Variants in RIT2 observed in about 807,000 individuals in gnomAD.
The protein encoded by RIT2 is GTP-binding protein Rit2.
RIT2 carries 24 observed loss-of-function variants against 23.7 expected under a neutral mutation model. That is an observed-to-expected ratio of 1.01 (90% CI 0.73 to 1.43). RIT2 has a LOEUF of 1.43. RIT2 is among the 40% of genes most tolerant of loss of function. The pLI is 0.00. For missense variants in RIT2, 236 were observed against 266.9 expected, an observed-to-expected ratio of 0.88 and a Z score of 0.81; for synonymous variants, 107 against 91.1, an observed-to-expected ratio of 1.17 and a Z score of -0.99.
chr18:43,095,921 C>T (rs1424572749), intron 1 of RIT2, among the ~76,000 whole-genome samples: 10 of 151,840 alleles, frequency 6.6e-5, no homozygotes, highest in African/African-American at 2.4e-4. Context: ...TCACTCAGCT[C>T]GCTACTGAAA....
chr18:42,743,916 G>A (rs952104406), intron 4 of RIT2, among the ~76,000 whole-genome samples, 196 bp from the exon 5 acceptor site: 12 of 152,034 alleles, frequency 7.9e-5, no homozygotes, highest in South Asian at 2.1e-4. Context: ...GCCCTGCCCC[G>A]CCTTAACTGA....
intron 1 of RIT2, among the ~76,000 whole-genome samples, chr18:43,075,959 C>T (rs1459838372): frequency 1.3e-5 from 2 of 152,094 alleles, no homozygotes; most frequent in African/African-American, 2.4e-5. Flanking sequence ...TCCTGCAATA[C>T]TAAGTATCAT....
At position 42,747,243 on chromosome 18, in the gene RIT2, A is replaced by G. The variant is rs946922008; in HGVS notation, c.427-3523T>C. Among the ~76,000 whole-genome samples, 8 of 152,054 alleles carry G rather than the reference A, an allele frequency of 5.3e-5. No individual in the cohort carries two copies. The South Asian group carries it at 8.3e-4, about 16-fold the overall frequency. On this transcript the variant is annotated intron_variant, in intron 4 of 4. Transcript: ENST00000326695. Reference sequence around the variant, plus strand: ...ATACACGAATCAGTAGCTCTGCTATATACCAACAGCGACCAAGCTGATAAT... The same window carrying G: ...ATACACGAATCAGTAGCTCTGCTATGTACCAACAGCGACCAAGCTGATAAT...
chr18:42,815,609 T>C (rs779017024), intron 4 of RIT2, among the ~76,000 whole-genome samples: 6 of 152,144 alleles, frequency 3.9e-5, no homozygotes, highest in Admixed American at 2.6e-4. Context: ...ATTGAGACAA[T>C]TGACATGTTC....
intron 2 of RIT2, among the ~76,000 whole-genome samples, chr18:43,025,418 T>A (rs908694829): frequency 6.6e-6 from 1 of 151,988 alleles, no homozygotes; most frequent in African/African-American, 2.4e-5. Context: ...GGTTTAGCAA[T>A]CCTGCTACTG....
chr18:42,795,520 T>C (rs1320625561), intron 4 of RIT2, among the ~76,000 whole-genome samples: 2 of 152,138 alleles, frequency 1.3e-5, no homozygotes, highest in African/African-American at 4.8e-5. Context: ...TCCCACCCCC[T>C]CCATGGGCTC....
intron 2 of RIT2, among the ~76,000 whole-genome samples, chr18:42,978,388 T>C (rs1202481380): frequency 1.3e-5 from 2 of 151,898 alleles, no homozygotes; most frequent in African/African-American, 2.4e-5. Flanking sequence ...CTGGCCTCCA[T>C]AGAAACTAAT....
intron 1 of RIT2, among the ~76,000 whole-genome samples, chr18:43,078,267 C>T (rs1270621384): frequency 6.6e-6 from 1 of 152,130 alleles, no homozygotes; most frequent in Non-Finnish European, 1.5e-5. Flanking sequence ...CTCTACAAAC[C>T]TAAACTCTCC....
intron 2 of RIT2, among the ~76,000 whole-genome samples, chr18:43,025,164 T>C (rs770665284): frequency 6.6e-6 from 1 of 151,050 alleles, no homozygotes. Context: ...GCCAAAATCA[T>C]GTCACTGCAC....
intron 3 of RIT2, among the ~76,000 whole-genome samples, chr18:42,950,927 G>C (rs2144172491): frequency 6.6e-6 from 1 of 151,990 alleles, no homozygotes; most frequent in South Asian, 2.1e-4. Flanking sequence ...ACAGATGCTG[G>C]TGAGACTGCA....
chr18:42,942,045 C>A (rs1373582946), intron 3 of RIT2, among the ~76,000 whole-genome samples: 1 of 151,676 alleles, frequency 6.6e-6, no homozygotes, highest in Non-Finnish European at 1.5e-5. Flanking sequence ...ATCAAGGTAT[C>A]ATTTATGTAT....
intron 1 of RIT2, 136 bp downstream of exon 1, chr18:43,115,281 T>C: frequency 9.2e-7 from 1 of 1,083,864 alleles, no homozygotes; most frequent in Non-Finnish European, 1.3e-6. Context: ...CTTTGGAGCA[T>C]CCTGCCAGAC....
At chr18:42,991,813 C>T (rs866988423) in intron 2 of RIT2, among the ~76,000 whole-genome samples, 3 of 152,006 alleles carry the variant, frequency 2.0e-5, no homozygotes, top group Admixed American at 1.3e-4. Flanking sequence ...TTTTCCTCTA[C>T]CTACCCAAAT....
intron 2 of RIT2, among the ~76,000 whole-genome samples, chr18:43,022,825 G>A (rs903957693): frequency 2.0e-4 from 31 of 152,008 alleles, no homozygotes; most frequent in African/African-American, 7.2e-4. Flanking sequence ...ACCAGAAGGA[G>A]TGAGAATTCT....
At chr18:43,045,819 C>A (rs927076025) in intron 1 of RIT2, among the ~76,000 whole-genome samples, 1 of 151,860 alleles carries the variant, frequency 6.6e-6, no homozygotes, top group African/African-American at 2.4e-5. Context: ...CATTAGCTTC[C>A]CTCAGCTTCC....
Position 43,049,972 on chromosome 18 carries a change from C to CTTTTTTTTTTT in RIT2, c.104-16116_104-16106dup, listed in dbSNP as rs755291383. ...CAATGGGTAATTGAGAAGGGATTTC[C>CTTTTTTTTTTT]TTTTTTTTTTTTTTTTTTTTTTTTT... On this transcript the variant is annotated intron_variant, in intron 1 of 4. Coordinates refer to ENST00000326695, the MANE Select transcript of RIT2 (RefSeq NM_002930.4). 4.4e-3 allele frequency among the ~76,000 whole-genome samples: 290 copies of CTTTTTTTTTTT among 65,980 alleles called. 14 individuals are homozygous for CTTTTTTTTTTT. The highest frequency in any genetic ancestry group is 0.021 in the East Asian group (20 of 974). 43.3% of individuals were successfully genotyped at this position (65,980 alleles called of 152,430 possible). A position where few individuals can be genotyped will look rare whatever the true frequency, so the allele number is the denominator to read the frequency against.
chr18:42,804,684 C>T (rs10502798), intron 4 of RIT2, among the ~76,000 whole-genome samples: 28 of 152,012 alleles, frequency 1.8e-4, no homozygotes, highest in Non-Finnish European at 3.5e-4. Flanking sequence ...GCCTTGGTCC[C>T]GAAAGTAAGT....
At chr18:42,978,117 GC>G (rs1910514381) in intron 2 of RIT2, among the ~76,000 whole-genome samples, 3 of 152,082 alleles carry the variant, frequency 2.0e-5, no homozygotes, top group Admixed American at 2.0e-4. Flanking sequence ...CCAAAGAAGA[GC>G]CTGCTGAGGC....
intron 4 of RIT2, among the ~76,000 whole-genome samples, chr18:42,886,560 T>C (rs1197555155): frequency 2.6e-5 from 4 of 152,286 alleles, no homozygotes; most frequent in Non-Finnish European, 5.9e-5. Flanking sequence ...TGCAAACGGG[T>C]GTAAATCTTA....
Sources: allele counts gnomAD v4.1 joint callset (sites outside exome capture counted in the v4.1 genomes callset), GRCh38; gene constraint gnomAD v4.1.1; transcripts MANE v1.5; gene names NCBI Gene and HGNC (gene_info 2026-07-23, HGNC 2026-07-21).